Variants in TTC7B observed in about 807,000 individuals in gnomAD.
TTC7B encodes tetratricopeptide repeat domain 7B, also known as tetratricopeptide repeat protein 7B.
TTC7B carries 28 observed loss-of-function variants against 106.8 expected under a neutral mutation model. The observed-to-expected ratio is 0.26, with a 90% CI of 0.19 to 0.36. TTC7B has a LOEUF of 0.36. TTC7B is among the 10% of genes least tolerant of loss of function. The pLI is 1.00. For synonymous variants in TTC7B, 405 were observed against 430.6 expected (o/e 0.94, Z 0.74); for missense variants, 862 against 1,076.4 (o/e 0.80, Z 2.79).
At chr14:90,640,472 C>T (rs1011865511) in intron 15 of TTC7B, among the ~76,000 whole-genome samples, 1 of 151,036 alleles carries the variant, frequency 6.6e-6, no homozygotes, top group Non-Finnish European at 1.5e-5. Flanking sequence ...GTTTAAGATA[C>T]GTGTAAGTAT....
chr14:90,695,031 T>A (rs373143366), intron 6 of TTC7B, among the ~76,000 whole-genome samples: 20 of 55,614 alleles, frequency 3.6e-4, no homozygotes, highest in East Asian at 6.2e-4. Context: ...ATATGTATAT[T>A]TTTTATTTTA....
At chr14:90,809,163 C>G (rs541020736) in intron 1 of TTC7B, among the ~76,000 whole-genome samples, 1 of 152,300 alleles carries the variant, frequency 6.6e-6, no homozygotes, top group East Asian at 1.9e-4. Flanking sequence ...GCCCTCATGG[C>G]CATAAGATGG....
intron 19 of TTC7B, among the ~76,000 whole-genome samples, chr14:90,563,852 G>A (rs1890685261): frequency 6.6e-6 from 1 of 152,150 alleles, no homozygotes; most frequent in African/African-American, 2.4e-5. Context: ...AAGAAGCAAT[G>A]CCTTATCCAT....
At chr14:90,584,773 G>A (rs1163832472) in intron 18 of TTC7B, among the ~76,000 whole-genome samples, 1 of 151,974 alleles carries the variant, frequency 6.6e-6, no homozygotes, top group Non-Finnish European at 1.5e-5. Flanking sequence ...CTTTACCCCT[G>A]ACCCTGCCTC....
intron 10 of TTC7B, 170 bp downstream of exon 10, chr14:90,658,134 C>T: frequency 1.6e-6 from 1 of 620,296 alleles, no homozygotes; most frequent in South Asian, 2.0e-5. Flanking sequence ...TCCATCTTGG[C>T]TCCCCAAACA....
chr14:90,733,531 C>T (rs1005092656), intron 4 of TTC7B, among the ~76,000 whole-genome samples: 9 of 152,226 alleles, frequency 5.9e-5, no homozygotes, highest in Non-Finnish European at 1.0e-4. Flanking sequence ...TGAACTTAAT[C>T]CCTTCCTCAC....
chr14:90,758,429 C>T (rs1890385842), intron 3 of TTC7B, among the ~76,000 whole-genome samples: 3 of 35,046 alleles, frequency 8.6e-5, no homozygotes, highest in South Asian at 1.9e-3. Flanking sequence ...CAGCAGTGAG[C>T]GGGGCGGGGC....
chr14:90,733,776 C>G (rs1889415460), intron 4 of TTC7B, among the ~76,000 whole-genome samples: 2 of 152,194 alleles, frequency 1.3e-5, no homozygotes, highest in South Asian at 4.1e-4. Flanking sequence ...GCTCACCCAC[C>G]ATTCGCGGAC....
intron 1 of TTC7B, among the ~76,000 whole-genome samples, chr14:90,800,625 C>T (rs1474503968): frequency 6.6e-6 from 1 of 151,684 alleles, no homozygotes; most frequent in Non-Finnish European, 1.5e-5. Context: ...TCCTGGCTAA[C>T]ACAGTGAAAC....
chr14:90,595,510 T>C (rs993013489), intron 17 of TTC7B, among the ~76,000 whole-genome samples: 2 of 152,234 alleles, frequency 1.3e-5, no homozygotes, highest in Non-Finnish European at 2.9e-5. Flanking sequence ...TCAAAATTTC[T>C]TATTTGTCAC....
At position 90,741,323 on chromosome 14, in the gene TTC7B, C is replaced by G. The variant is rs138272725; in HGVS notation, c.576+3469G>C. 4.0e-3 allele frequency among the ~76,000 whole-genome samples: 604 copies of G among 152,278 alleles called. 5 individuals are homozygous for G. Among genetic ancestry groups the G allele is most frequent in the African/African-American group, 0.014 (578 of 41,558 alleles). On this transcript the variant is annotated intron_variant, in intron 4 of 19. Transcript: ENST00000328459. ...CACAATTATGAAAAGTCACTGGTCA[C>G]GACACTCCTAACTGTCTCCAAAAAC...
At chr14:90,756,388 T>C (rs1490160704) in intron 3 of TTC7B, among the ~76,000 whole-genome samples, 28 of 150,696 alleles carry the variant, frequency 1.9e-4, no homozygotes, top group African/African-American at 3.9e-4. Flanking sequence ...TTTTTTGTTT[T>C]TTTTTTTTGT....
chr14:90,790,944 G>A (rs925852335), intron 1 of TTC7B, among the ~76,000 whole-genome samples: 10 of 152,106 alleles, frequency 6.6e-5, no homozygotes, highest in Non-Finnish European at 1.5e-4. Flanking sequence ...CAGGAAAGCG[G>A]AGAGAACCAA....
chr14:90,695,717 G>T, intron 5 of TTC7B, 139 bp from the exon 6 acceptor site: 1 of 417,064 alleles, frequency 2.4e-6, no homozygotes, highest in Non-Finnish European at 4.2e-6. Flanking sequence ...CACATGCCTA[G>T]CCATCTTTGG....
intron 14 of TTC7B, 173 bp downstream of exon 14, chr14:90,646,778 T>A (rs1329152313): frequency 1.6e-6 from 1 of 635,252 alleles, no homozygotes; most frequent in Non-Finnish European, 2.8e-6. Context: ...CAGCTGATGC[T>A]CAAACCAACC....
intron 1 of TTC7B, among the ~76,000 whole-genome samples, chr14:90,803,494 G>A (rs2030402035): frequency 6.6e-6 from 1 of 152,172 alleles, no homozygotes; most frequent in Admixed American, 6.5e-5. Context: ...CATTCCCACT[G>A]CAGGGCTCCT....
intron 18 of TTC7B, among the ~76,000 whole-genome samples, chr14:90,584,399 C>A (rs994498642): frequency 6.6e-6 from 1 of 152,194 alleles, no homozygotes; most frequent in South Asian, 2.1e-4. Context: ...CTTGGCTGTG[C>A]GGGGTGTGCA....
intron 19 of TTC7B, among the ~76,000 whole-genome samples, chr14:90,574,060 T>G (rs1415149390): frequency 6.6e-6 from 1 of 152,224 alleles, no homozygotes; most frequent in Non-Finnish European, 1.5e-5. Flanking sequence ...GATTTTGTCC[T>G]TGGCCTGGGA....
intron 7 of TTC7B, among the ~76,000 whole-genome samples, chr14:90,683,177 C>T (rs973884363): frequency 6.6e-6 from 1 of 152,172 alleles, no homozygotes; most frequent in African/African-American, 2.4e-5. Flanking sequence ...TAAAGGTCAC[C>T]GGCATCCCCT....
Sources: allele counts gnomAD v4.1 joint callset (sites outside exome capture counted in the v4.1 genomes callset), GRCh38; gene constraint gnomAD v4.1.1; transcripts MANE v1.5; gene names NCBI Gene and HGNC (gene_info 2026-07-23, HGNC 2026-07-21).